The following EXOC4 variants were observed in gnomAD, a reference collection of about 807,000 sequenced individuals.
EXOC4 encodes the protein SEC8-like 1.
EXOC4 carries 71 observed loss-of-function variants against 107.2 expected under a neutral mutation model. That is an observed-to-expected ratio of 0.66 (90% CI 0.55 to 0.81). The LOEUF (loss-of-function observed/expected upper bound fraction) is 0.81. Ranked by LOEUF, EXOC4 falls within the 30% of genes least tolerant of loss-of-function variation. The pLI, the probability that EXOC4 is intolerant of heterozygous loss-of-function variation, is 0.00. For missense variants in EXOC4, 1,108 were observed against 1,189.6 expected, an observed-to-expected ratio of 0.93 and a Z score of 1.01; for synonymous variants, 456 against 441.2, an observed-to-expected ratio of 1.03 and a Z score of -0.42.
At chr7:133,531,169 AG>A (rs1165213429) in intron 9 of EXOC4, among the ~76,000 whole-genome samples, 8 of 152,176 alleles carry the variant, frequency 5.3e-5, no homozygotes, top group Non-Finnish European at 1.0e-4. Context: ...ATAATAATAT[AG>A]TACCCATTAG....
intron 9 of EXOC4, among the ~76,000 whole-genome samples, chr7:133,583,359 G>T (rs925089502): frequency 6.6e-6 from 1 of 152,156 alleles, no homozygotes; most frequent in Non-Finnish European, 1.5e-5. Flanking sequence ...CCTGTTGTGT[G>T]CTGGGCACTG....
intron 9 of EXOC4, among the ~76,000 whole-genome samples, chr7:133,547,471 A>G (rs1404815362): frequency 6.6e-6 from 1 of 152,120 alleles, no homozygotes; most frequent in East Asian, 1.9e-4. Context: ...AGCTTGCCCT[A>G]TGGATTGACT....
intron 7 of EXOC4, among the ~76,000 whole-genome samples, chr7:133,408,239 T>C (rs1797270192): frequency 8.2e-6 from 1 of 122,630 alleles, no homozygotes; most frequent in African/African-American, 3.2e-5. Context: ...GGGGAGGGAA[T>C]GATGTTGGTG....
intron 2 of EXOC4, among the ~76,000 whole-genome samples, chr7:133,285,271 C>T (rs1794249448): frequency 6.6e-6 from 1 of 152,050 alleles, no homozygotes; most frequent in Non-Finnish European, 1.5e-5. Context: ...GTCCTGTTGC[C>T]TTTCTTCTGT....
chr7:133,425,877 A>G (rs1332582192), intron 7 of EXOC4, among the ~76,000 whole-genome samples: 5 of 152,042 alleles, frequency 3.3e-5, no homozygotes, highest in Admixed American at 6.5e-5. Context: ...ATTTAAATCT[A>G]CCTATAATCT....
intron 9 of EXOC4, among the ~76,000 whole-genome samples, chr7:133,584,912 T>C (rs1801366689): frequency 6.6e-6 from 1 of 152,124 alleles, no homozygotes; most frequent in Non-Finnish European, 1.5e-5. Context: ...GAGTTCCATA[T>C]AAGATTTCCA....
chr7:133,397,348 G>C (rs1156242282), intron 7 of EXOC4, among the ~76,000 whole-genome samples: 1 of 150,958 alleles, frequency 6.6e-6, no homozygotes, highest in East Asian at 2.0e-4. Flanking sequence ...TGGTCAGGGT[G>C]GTCTCGAAAT....
At chr7:133,444,416 A>T (rs1404180707) in intron 7 of EXOC4, among the ~76,000 whole-genome samples, 1 of 152,146 alleles carries the variant, frequency 6.6e-6, no homozygotes, top group African/African-American at 2.4e-5. Flanking sequence ...GTAACGTTTT[A>T]TGTGTTGGGG....
chr7:133,546,366 C>T (rs970507738), intron 9 of EXOC4, among the ~76,000 whole-genome samples: 1 of 150,498 alleles, frequency 6.6e-6, no homozygotes, highest in African/African-American at 2.4e-5. Context: ...AGTGATTCTC[C>T]TGCCTCAGCC....
chr7:133,871,728 G>C (rs1374561100), intron 11 of EXOC4, among the ~76,000 whole-genome samples: 1 of 152,138 alleles, frequency 6.6e-6, no homozygotes, highest in East Asian at 1.9e-4. Flanking sequence ...GAGACAGACT[G>C]ACTGGCTTTG....
At chr7:133,761,450 A>C (rs1044787994) in intron 10 of EXOC4, among the ~76,000 whole-genome samples, 1 of 152,176 alleles carries the variant, frequency 6.6e-6, no homozygotes, top group Admixed American at 6.5e-5. Flanking sequence ...AAAAGAGTCA[A>C]TCTATAGTAT....
intron 6 of EXOC4, among the ~76,000 whole-genome samples, chr7:133,357,184 A>G (rs547469172): frequency 1.3e-5 from 2 of 152,350 alleles, no homozygotes; most frequent in Admixed American, 6.5e-5. Context: ...TGTAGCAGCT[A>G]TTGTACACAT....
chr7:133,485,810 C>G (rs1269931163), intron 9 of EXOC4, among the ~76,000 whole-genome samples: 1 of 151,992 alleles, frequency 6.6e-6, no homozygotes, highest in African/African-American at 2.4e-5. Flanking sequence ...TTTGAGAAAC[C>G]CTAGTGGTTG....
intron 10 of EXOC4, chr7:133,768,312 A>G (rs1454805477): frequency 2.0e-5 from 3 of 151,946 alleles, no homozygotes; most frequent in African/African-American, 7.2e-5. Context: ...TTTTTTAATT[A>G]AGAAAAAGTG....
chr7:133,593,835 G>A (rs1801604310), intron 9 of EXOC4, among the ~76,000 whole-genome samples: 1 of 152,176 alleles, frequency 6.6e-6, no homozygotes, highest in Non-Finnish European at 1.5e-5. Context: ...TAAGCAAACA[G>A]AAGTAGACCA....
the EXOC4 span, among the ~76,000 whole-genome samples, chr7:134,077,254 AT>A: frequency 1.4e-3 from 209 of 152,308 alleles, no homozygotes; most frequent in Admixed American, 2.1e-3. Context: ...ACAGAACAAT[AT>A]GGATGTCCCA....
intron 2 of EXOC4, among the ~76,000 whole-genome samples, chr7:133,286,020 A>C (rs1794268308): frequency 6.6e-6 from 1 of 152,138 alleles, no homozygotes; most frequent in Admixed American, 6.5e-5. Context: ...TGGCCTCCCA[A>C]AGTACTAGGA....
At chr7:133,869,514 T>C (rs1008382448) in intron 11 of EXOC4, among the ~76,000 whole-genome samples, 8 of 152,208 alleles carry the variant, frequency 5.3e-5, no homozygotes. Context: ...ATTAGTCTCC[T>C]GCCCTTTCTA....
intron 17 of EXOC4, among the ~76,000 whole-genome samples, chr7:134,039,887 A>G (rs1795474946): frequency 6.6e-6 from 1 of 152,206 alleles, no homozygotes; most frequent in South Asian, 2.1e-4. Context: ...TATTAGTAAC[A>G]GACTAACAGC....
Sources: gnomAD v4.1 joint callset for allele counts (sites outside exome capture counted in the v4.1 genomes callset) on GRCh38, gnomAD v4.1.1 for gene constraint, MANE v1.5 for transcripts, NCBI Gene and HGNC (gene_info 2026-07-23, HGNC 2026-07-21) for gene names.